SPRR2G: variants seen among roughly 807,000 people sequenced by gnomAD.
SPRR2G encodes small proline rich protein 2G.
Under a neutral mutation model 0.7 loss-of-function variants are expected in SPRR2G, and 1 was observed. That is an observed-to-expected ratio of 1.49 (90% CI 0.53 to 7.06). The LOEUF is 7.06. Ranked by LOEUF, SPRR2G falls within the 30% of genes most tolerant of loss-of-function variation. The pLI is 0.14. For missense variants in SPRR2G, 96 were observed against 88.5 expected (o/e 1.09, Z -0.34); for synonymous variants, 38 against 33.9 (o/e 1.12, Z -0.42).
chr1:153,168,715 A>G, the SPRR2G span, among the ~76,000 whole-genome samples: 45 of 152,350 alleles, frequency 3.0e-4, no homozygotes, highest in African/African-American at 1.0e-3. Context: ...ATGCTAAAAT[A>G]CCCCCAGCAA....
the SPRR2G span, among the ~76,000 whole-genome samples, chr1:153,201,171 C>T: frequency 2.6e-5 from 4 of 152,116 alleles, no homozygotes; most frequent in African/African-American, 4.8e-5. Flanking sequence ...TTCCAGCCAG[C>T]GAAGGAAGTC....
chr1:153,198,932 G>C, the SPRR2G span, among the ~76,000 whole-genome samples: 1 of 152,130 alleles, frequency 6.6e-6, no homozygotes, highest in Non-Finnish European at 1.5e-5. Context: ...AAAGGGCTCG[G>C]GAAGGAGAGT....
the SPRR2G span, among the ~76,000 whole-genome samples, chr1:153,162,504 G>A: frequency 0.019 from 2,819 of 152,236 alleles, 71 homozygotes; most frequent in African/African-American, 0.056. Context: ...ACTGCTATGC[G>A]TCCCACAATT....
the SPRR2G span, among the ~76,000 whole-genome samples, chr1:153,164,637 G>T: frequency 2.0e-5 from 3 of 152,120 alleles, no homozygotes; most frequent in Non-Finnish European, 4.4e-5. Flanking sequence ...TACATCCTCT[G>T]GTATAATTTA....
At chr1:153,190,920 G>A in the SPRR2G span, 2 of 151,604 alleles carry the variant, frequency 1.3e-5, no homozygotes, top group African/African-American at 2.4e-5. Flanking sequence ...TCCCTGACTG[G>A]TCATGTCTCT....
chr1:153,176,993 C>T, the SPRR2G span, among the ~76,000 whole-genome samples: 8 of 152,132 alleles, frequency 5.3e-5, no homozygotes. Flanking sequence ...TAATCCCCTC[C>T]CAAAGGCACT....
the SPRR2G span, chr1:153,176,131 G>C: frequency 6.6e-6 from 1 of 152,154 alleles, no homozygotes; most frequent in Non-Finnish European, 1.5e-5. Flanking sequence ...ACTTGGCCAT[G>C]CAAGCAAGGG....
the SPRR2G span, among the ~76,000 whole-genome samples, chr1:153,201,303 C>T: frequency 3.3e-5 from 5 of 152,180 alleles, no homozygotes; most frequent in Non-Finnish European, 7.3e-5. Context: ...AATGGGCAAA[C>T]GTCCTACTGA....
chr1:153,177,480 C>T, the SPRR2G span, among the ~76,000 whole-genome samples: 1 of 152,116 alleles, frequency 6.6e-6, no homozygotes, highest in East Asian at 1.9e-4. Flanking sequence ...TATGAGAGTT[C>T]CAGGGGCTCC....
chr1:153,154,269 G>A (rs994019712), upstream of SPRR2G, among the ~76,000 whole-genome samples: 12 of 151,166 alleles, frequency 7.9e-5, no homozygotes, highest in African/African-American at 2.9e-4. Flanking sequence ...CTAGTATTTT[G>A]TTGAATCTTT....
chr1:153,193,457 C>T, the SPRR2G span, among the ~76,000 whole-genome samples: 503 of 152,344 alleles, frequency 3.3e-3, 4 homozygotes, highest in African/African-American at 0.012. Flanking sequence ...CACACTCACA[C>T]GCACACACAT....
chr1:153,159,331 G>A, the SPRR2G span, among the ~76,000 whole-genome samples: 3 of 152,178 alleles, frequency 2.0e-5, no homozygotes, highest in Non-Finnish European at 4.4e-5. Flanking sequence ...CTAAAGCATA[G>A]CAGCAGTGAC....
the SPRR2G span, among the ~76,000 whole-genome samples, chr1:153,179,832 T>C: frequency 1.3e-5 from 2 of 152,154 alleles, no homozygotes; most frequent in Non-Finnish European, 2.9e-5. Context: ...CGTATTCCTA[T>C]CTTGTGCCAC....
chr1:153,184,375 C>G, the SPRR2G span, among the ~76,000 whole-genome samples: 1 of 152,136 alleles, frequency 6.6e-6, no homozygotes, highest in Non-Finnish European at 1.5e-5. Flanking sequence ...TGTCCTCTCT[C>G]ATTTCCTTGA....
At chr1:153,167,593 A>G in the SPRR2G span, among the ~76,000 whole-genome samples, 2 of 152,240 alleles carry the variant, frequency 1.3e-5, no homozygotes, top group Non-Finnish European at 2.9e-5. Context: ...TTTGTTTTAC[A>G]TCTGTTTAAT....
upstream of SPRR2G, among the ~76,000 whole-genome samples, chr1:153,155,730 T>A (rs1430980324): frequency 6.6e-6 from 1 of 152,234 alleles, no homozygotes; most frequent in Non-Finnish European, 1.5e-5. Context: ...TCAAACTCTG[T>A]AATTTTGCTG....
chr1:153,177,920 T>A, the SPRR2G span, among the ~76,000 whole-genome samples: 1 of 152,022 alleles, frequency 6.6e-6, no homozygotes, highest in Non-Finnish European at 1.5e-5. Context: ...AATAAATAGA[T>A]CAATTTAAGA....
chr1:153,192,851 C>G, the SPRR2G span, among the ~76,000 whole-genome samples: 1 of 152,162 alleles, frequency 6.6e-6, no homozygotes, highest in Non-Finnish European at 1.5e-5. Flanking sequence ...GTAAGAACCC[C>G]CATCCATCAT....
At chr1:153,181,324 G>T in the SPRR2G span, among the ~76,000 whole-genome samples, 1 of 151,950 alleles carries the variant, frequency 6.6e-6, no homozygotes, top group African/African-American at 2.4e-5. Flanking sequence ...GTGACATTTT[G>T]CTACACACAT....
Sources: gnomAD v4.1 joint callset for allele counts (sites outside exome capture counted in the v4.1 genomes callset) on GRCh38, gnomAD v4.1.1 for gene constraint, MANE v1.5 for transcripts, NCBI Gene and HGNC (gene_info 2026-07-23, HGNC 2026-07-21) for gene names.